The following PRDM16 variants were observed in gnomAD, a reference collection of about 807,000 sequenced individuals.
PRDM16 encodes PR/SET domain 16, also known as histone-lysine N-methyltransferase PRDM16.
PRDM16 carries 23 observed loss-of-function variants against 110.6 expected under a neutral mutation model. That is an observed-to-expected ratio of 0.21 (90% CI 0.15 to 0.29). The LOEUF (loss-of-function observed/expected upper bound fraction) is 0.29. Ranked by LOEUF, PRDM16 falls within the 10% of genes least tolerant of loss-of-function variation. The pLI, the probability that PRDM16 is intolerant of heterozygous loss-of-function variation, is 1.00. For synonymous variants in PRDM16, 799 were observed against 781.8 expected, an observed-to-expected ratio of 1.02 and a Z score of -0.37; for missense variants, 1,615 against 1,794.3, an observed-to-expected ratio of 0.90 and a Z score of 1.81.
At chr1:3,289,695 AG>A (rs1374050412) in intron 3 of PRDM16, among the ~76,000 whole-genome samples, 1 of 152,200 alleles carries the variant, frequency 6.6e-6, no homozygotes, top group African/African-American at 2.4e-5. Context: ...GGAACGGCAC[AG>A]GCAAAGGCCC....
At chr1:3,431,307 C>A (rs537328857) in intron 15 of PRDM16, among the ~76,000 whole-genome samples, 199 bp downstream of exon 15, 2 of 152,088 alleles carry the variant, frequency 1.3e-5, no homozygotes, top group Non-Finnish European at 2.9e-5. Context: ...TTAACCCCCC[C>A]ACCCACCCCC....
At chr1:3,226,374 A>C (rs1177941886) in intron 2 of PRDM16, among the ~76,000 whole-genome samples, 1 of 152,194 alleles carries the variant, frequency 6.6e-6, no homozygotes, top group Non-Finnish European at 1.5e-5. Context: ...GTGTGCGGTG[A>C]GGCTGCGCCT....
intron 3 of PRDM16, among the ~76,000 whole-genome samples, chr1:3,380,016 G>A (rs527365629): frequency 2.9e-5 from 3 of 102,568 alleles, no homozygotes; most frequent in African/African-American, 1.3e-4. Context: ...CCCTCCCAGT[G>A]CAATCCCTCA....
At chr1:3,361,348 A>G (rs1191401521) in intron 3 of PRDM16, among the ~76,000 whole-genome samples, 2 of 152,194 alleles carry the variant, frequency 1.3e-5, no homozygotes, top group African/African-American at 4.8e-5. Flanking sequence ...CCAGAGCCAC[A>G]CTGAGCACTC....
chr1:3,342,350 G>A (rs1021876621), intron 3 of PRDM16, among the ~76,000 whole-genome samples: 5 of 152,226 alleles, frequency 3.3e-5, no homozygotes, highest in African/African-American at 7.2e-5. Flanking sequence ...GCAGGTGGGA[G>A]CAACCAAGCC....
intron 2 of PRDM16, among the ~76,000 whole-genome samples, chr1:3,204,731 C>T (rs371877539): frequency 1.4e-4 from 22 of 152,246 alleles, no homozygotes; most frequent in African/African-American, 3.4e-4. Flanking sequence ...GTCTTTGGCC[C>T]GACCGGCCCT....
intron 3 of PRDM16, among the ~76,000 whole-genome samples, chr1:3,263,456 G>A (rs143676132): frequency 0.012 from 1,752 of 152,328 alleles, 21 homozygotes; most frequent in Non-Finnish European, 0.02. Flanking sequence ...ACCCTGTCTA[G>A]TGGTCCCTGG....
chr1:3,184,139 G>A (rs928058523), intron 1 of PRDM16, among the ~76,000 whole-genome samples: 5 of 152,132 alleles, frequency 3.3e-5, no homozygotes, highest in African/African-American at 4.8e-5. Context: ...GAAAGGATCC[G>A]CCGCGTCAAT....
rs1643302836 is a variant in PRDM16 at position 3,391,675 on chromosome 1, G to A, written c.574-4816G>A. On this transcript the variant is annotated intron_variant, in intron 4 of 16. Coordinates refer to ENST00000270722, the MANE Select transcript of PRDM16 (RefSeq NM_022114.4). ...AATAAAAATGCTTCAGCTATGTGCAGGACAAGAGGAAGGTGGCGAAGCCCG... is the reference window on the plus strand; with the variant it reads ...AATAAAAATGCTTCAGCTATGTGCAAGACAAGAGGAAGGTGGCGAAGCCCG... 3.9e-5 allele frequency among the ~76,000 whole-genome samples: 6 copies of A among 152,262 alleles called. No homozygotes were observed. In the South Asian group the frequency reaches 1.2e-3, roughly 31 times the overall value.
chr1:3,328,130 A>G (rs1641958327), intron 3 of PRDM16, among the ~76,000 whole-genome samples: 1 of 152,218 alleles, frequency 6.6e-6, no homozygotes, highest in Non-Finnish European at 1.5e-5. Context: ...CTGCCGGGCC[A>G]AGTGGGGAAC....
At chr1:3,280,794 A>G (rs1320568395) in intron 3 of PRDM16, among the ~76,000 whole-genome samples, 1 of 152,238 alleles carries the variant, frequency 6.6e-6, no homozygotes, top group Non-Finnish European at 1.5e-5. Flanking sequence ...GTCCCGGGCC[A>G]TACCCACCCT....
chr1:3,340,437 G>A (rs964869967), intron 3 of PRDM16, among the ~76,000 whole-genome samples: 1 of 152,152 alleles, frequency 6.6e-6, no homozygotes, highest in South Asian at 2.1e-4. Context: ...CCAAACACCC[G>A]CTCCCGGAGA....
chr1:3,100,480 T>C (rs1296427323), intron 1 of PRDM16, among the ~76,000 whole-genome samples: 2 of 151,838 alleles, frequency 1.3e-5, no homozygotes. Flanking sequence ...TGAGCTGCTC[T>C]CTATGGAGCC....
At chr1:3,323,744 C>T (rs1479543101) in intron 3 of PRDM16, among the ~76,000 whole-genome samples, 1 of 152,260 alleles carries the variant, frequency 6.6e-6, no homozygotes, top group African/African-American at 2.4e-5. Context: ...TGCAAGGTCT[C>T]ACATCCCAGA....
In PRDM16 at chr1:3,339,181, G is replaced by A. The variant is rs1210711799; in HGVS notation, c.439-45971G>A. ...TCTCCTTCTGGAGGGCAGCTTCCTG[G>A]CCACCCTCACCTCCAGCTGCTGAAA... is the stretch of plus-strand genomic sequence containing the variant. On this transcript the variant is annotated intron_variant, in intron 3 of 16. Transcript: ENST00000270722. The surrounding 1 kb of genome is among the most constrained non-coding windows in gnomAD (Gnocchi z 5.0). Among the ~76,000 whole-genome samples the A allele has an allele frequency of 6.6e-6, 1 of 152,116 alleles. No homozygotes were observed. The highest frequency in any genetic ancestry group is 1.5e-5 in the Non-Finnish European group (1 of 68,026).
At chr1:3,173,663 G>A (rs918063695) in intron 1 of PRDM16, among the ~76,000 whole-genome samples, 4 of 152,262 alleles carry the variant, frequency 2.6e-5, no homozygotes, top group African/African-American at 4.8e-5. Flanking sequence ...CGTGGGCTGC[G>A]CAGAGGCTGG....
chr1:3,432,200 C>G, intron 16 of PRDM16, 60 bp downstream of exon 16: 1 of 1,485,120 alleles, frequency 6.7e-7, no homozygotes, highest in African/African-American at 1.4e-5. Context: ...AGAGGACAGC[C>G]AGCACTCCTC....
At chr1:3,323,108 C>G (rs1464846598) in intron 3 of PRDM16, among the ~76,000 whole-genome samples, 1 of 152,206 alleles carries the variant, frequency 6.6e-6, no homozygotes, top group Non-Finnish European at 1.5e-5. Flanking sequence ...ACTGTGTGCA[C>G]TTGGTGCGGG....
intron 3 of PRDM16, among the ~76,000 whole-genome samples, chr1:3,334,836 A>G (rs1642112360): frequency 6.6e-6 from 1 of 152,226 alleles, no homozygotes; most frequent in Admixed American, 6.5e-5. Flanking sequence ...GCCATCCTGC[A>G]CTGCAGGCAT....
Sources: allele counts gnomAD v4.1 joint callset (sites outside exome capture counted in the v4.1 genomes callset), GRCh38; gene constraint gnomAD v4.1.1; non-coding constraint Gnocchi (gnomAD v3.1); transcripts MANE v1.5; gene names NCBI Gene and HGNC (gene_info 2026-07-23, HGNC 2026-07-21).